The following IRAK1BP1 variants were observed in gnomAD, a reference collection of about 807,000 sequenced individuals.
IRAK1BP1 encodes the protein interleukin 1 receptor associated kinase 1 binding protein 1, also known as interleukin-1 receptor-associated kinase 1-binding protein 1.
IRAK1BP1 carries 24 observed loss-of-function variants against 28.0 expected under a neutral mutation model. The ratio of observed to expected loss-of-function variants is 0.86; its 90% CI spans 0.62 to 1.20. The LOEUF (loss-of-function observed/expected upper bound fraction) is 1.20, where lower values mean the gene tolerates loss of function less well. Ranked by LOEUF, IRAK1BP1 falls within the 50% of genes most tolerant of loss-of-function variation. The pLI is 0.00. For missense variants in IRAK1BP1, 336 were observed against 316.7 expected, an observed-to-expected ratio of 1.06 and a Z score of -0.46; for synonymous variants, 131 against 116.3, an observed-to-expected ratio of 1.13 and a Z score of -0.81.
intron 4 of IRAK1BP1, among the ~76,000 whole-genome samples, chr6:78,943,395 AT>A (rs2127679878): frequency 6.6e-6 from 1 of 152,292 alleles, no homozygotes; most frequent in South Asian, 2.1e-4. Context: ...GCTAGAACCA[AT>A]TCATCATATA....
downstream of IRAK1BP1, among the ~76,000 whole-genome samples, chr6:78,905,297 C>T (rs1349132564): frequency 6.6e-6 from 1 of 151,866 alleles, no homozygotes; most frequent in Non-Finnish European, 1.5e-5. Flanking sequence ...GGAAACATAA[C>T]ACTGCAACAG....
At chr6:78,876,737 A>G (rs1771017412) in intron 1 of IRAK1BP1, among the ~76,000 whole-genome samples, 1 of 152,136 alleles carries the variant, frequency 6.6e-6, no homozygotes, top group Admixed American at 6.5e-5. Flanking sequence ...GAACCTCCTC[A>G]GTTTGAGGTT....
the IRAK1BP1 span, among the ~76,000 whole-genome samples, chr6:78,964,172 A>G: frequency 6.6e-6 from 1 of 152,206 alleles, no homozygotes; most frequent in Admixed American, 6.5e-5. Context: ...ATGGTTACCA[A>G]TTGATTTAAG....
chr6:78,936,180 T>C (rs1773266479), intron 4 of IRAK1BP1: 1 of 151,938 alleles, frequency 6.6e-6, no homozygotes, highest in South Asian at 2.1e-4. Flanking sequence ...ACTTATTACA[T>C]ACAACAGATC....
chr6:78,898,434 A>G lies in IRAK1BP1; in HGVS notation c.*100A>G. 1 of 166,838 alleles carries G rather than the reference A, an allele frequency of 6.0e-6. No homozygotes were observed. The highest frequency in any genetic ancestry group is 1.2e-5 in the Non-Finnish European group (1 of 85,132). 10.3% of individuals were successfully genotyped at this position (166,838 alleles called of 1,614,324 possible). The stretch of plus-strand genomic sequence containing the variant: ...TGAATATATATATATATATATATAT[A>G]TATATATATATGGTATAGGAGATAA... On this transcript the variant is annotated 3_prime_UTR_variant, in exon 4 of 4. Coordinates refer to ENST00000369940, the MANE Select transcript of IRAK1BP1 (RefSeq NM_001010844.4).
chr6:78,977,703 C>T, the IRAK1BP1 span, among the ~76,000 whole-genome samples: 4 of 152,106 alleles, frequency 2.6e-5, no homozygotes, highest in African/African-American at 9.7e-5. Context: ...TATAATTTCA[C>T]ATCTTAATGC....
chr6:78,907,129 T>C (rs1772281962), downstream of IRAK1BP1, among the ~76,000 whole-genome samples: 1 of 152,106 alleles, frequency 6.6e-6, no homozygotes, highest in Admixed American at 6.5e-5. Context: ...CTCTAAGCAG[T>C]ATATGAGGAA....
rs201260578 is a variant in IRAK1BP1, at chr6:78,898,316, G to A, written c.765G>A (p.Lys255=). ...CTTTTGAGGTAAAGGGAAAAGAGAA[G>A]AGAAAAAAGCACCTTTGAAATTCCA... ...FITFEVKGKE[K]RKKHL is the part of the protein sequence containing the mutation. Residue 255 remains lysine (K), a synonymous_variant, in exon 4 of 4, where the codon AAG becomes AAA. Transcript: ENST00000369940. 7 of 1,557,752 alleles carry A rather than the reference G, an allele frequency of 4.5e-6. No individual in the cohort carries two copies. Among genetic ancestry groups the A allele is most frequent in the African/African-American group, 4.2e-5 (3 of 72,112 alleles).
chr6:78,951,402 G>T (rs555115739), downstream of IRAK1BP1, among the ~76,000 whole-genome samples: 1 of 151,946 alleles, frequency 6.6e-6, no homozygotes, highest in Non-Finnish European at 1.5e-5. Context: ...ATCTTGCTTT[G>T]AATATTTGAT....
At chr6:78,906,645 G>A (rs1194779287), downstream of IRAK1BP1, among the ~76,000 whole-genome samples, 1 of 152,110 alleles carries the variant, frequency 6.6e-6, no homozygotes, top group Non-Finnish European at 1.5e-5. Flanking sequence ...CCAAGAAAAT[G>A]ATTAGGGAGG....
At chr6:78,884,574 C>G (rs917036345) in intron 1 of IRAK1BP1, among the ~76,000 whole-genome samples, 38 of 152,064 alleles carry the variant, frequency 2.5e-4, no homozygotes, top group Admixed American at 6.6e-4. Flanking sequence ...ATAGCATCCA[C>G]TTTTGGTGAG....
At chr6:78,965,819 T>C in the IRAK1BP1 span, 1 of 1,210,736 alleles carries the variant, frequency 8.3e-7, no homozygotes. Flanking sequence ...TATCACAATT[T>C]TAATAAAATC....
At chr6:78,978,932 C>G in the IRAK1BP1 span, among the ~76,000 whole-genome samples, 1 of 152,110 alleles carries the variant, frequency 6.6e-6, no homozygotes, top group African/African-American at 2.4e-5. Context: ...AAAGTTCCAA[C>G]AGGCAAAACT....
chr6:78,955,820 T>A, the IRAK1BP1 span: 2 of 463,920 alleles, frequency 4.3e-6, no homozygotes, highest in Non-Finnish European at 3.9e-6. Flanking sequence ...CTTACTCCAA[T>A]AATTTATGCA....
intron 2 of IRAK1BP1, among the ~76,000 whole-genome samples, chr6:78,887,152 A>G (rs923649733): frequency 2.6e-5 from 4 of 152,212 alleles, no homozygotes; most frequent in Admixed American, 6.5e-5. Context: ...ATGGAATGAG[A>G]TTAGATGGTT....
intron 2 of IRAK1BP1, among the ~76,000 whole-genome samples, chr6:78,895,078 A>C (rs775017307): frequency 1.1e-3 from 169 of 150,866 alleles, no homozygotes; most frequent in Non-Finnish European, 2.2e-3. Flanking sequence ...ATTGCATTGC[A>C]CTCCAGCCTG....
chr6:78,876,813 A>G (rs1035822533), intron 1 of IRAK1BP1, among the ~76,000 whole-genome samples: 7 of 152,138 alleles, frequency 4.6e-5, no homozygotes, highest in African/African-American at 1.4e-4. Flanking sequence ...AGCTGTGACA[A>G]TAAAAAATGT....
chr6:78,940,473 A>C (rs1426887415), intron 4 of IRAK1BP1: 1 of 137,478 alleles, frequency 7.3e-6, no homozygotes, highest in African/African-American at 3.3e-5. Context: ...AATAGCAAAC[A>C]TTTAAAATAT....
At chr6:78,877,036 A>G (rs1771026753) in intron 1 of IRAK1BP1, among the ~76,000 whole-genome samples, 1 of 152,228 alleles carries the variant, frequency 6.6e-6, no homozygotes. Context: ...AGAAACAGGT[A>G]TTCAGGAGGA....
Sources: gnomAD v4.1 joint callset for allele counts (sites outside exome capture counted in the v4.1 genomes callset) on GRCh38, gnomAD v4.1.1 for gene constraint, MANE v1.5 for transcripts, NCBI Gene and HGNC (gene_info 2026-07-23, HGNC 2026-07-21) for gene names.